The following TTC6 variants were observed in gnomAD, a reference collection of about 807,000 sequenced individuals.
The protein encoded by TTC6 is tetratricopeptide repeat domain 6.
TTC6 carries 172 observed loss-of-function variants against 210.4 expected under a neutral mutation model. The observed-to-expected ratio is 0.82, with a 90% CI of 0.72 to 0.93. TTC6 has a LOEUF of 0.93. Ranked by LOEUF, TTC6 falls within the 40% of genes least tolerant of loss-of-function variation. The pLI is 0.00. For missense variants in TTC6, 2,414 were observed against 2,318.1 expected, an observed-to-expected ratio of 1.04 and a Z score of -0.85; for synonymous variants, 804 against 819.6, an observed-to-expected ratio of 0.98 and a Z score of 0.32.
intron 29 of TTC6, among the ~76,000 whole-genome samples, chr14:37,832,334 T>C (rs1449493376): frequency 0.015 from 136 of 8,978 alleles, no homozygotes; most frequent in South Asian, 0.044. Context: ...TCTCTCTTTT[T>C]TTTTTTTTTT....
At chr14:37,774,233 C>T (rs765995351) in intron 14 of TTC6, among the ~76,000 whole-genome samples, 1 of 152,010 alleles carries the variant, frequency 6.6e-6, no homozygotes, top group African/African-American at 2.4e-5. Context: ...TTCTTCTCAT[C>T]CTATTTGGAT....
At position 37,598,565 on chromosome 14, in the gene TTC6, A is replaced by C. The variant is rs1350392647; in HGVS notation, c.-235+2557A>C. On this transcript the variant is annotated intron_variant, in intron 1 of 2. Transcript: ENST00000556845. The surrounding 1 kb of genome is among the most constrained non-coding windows in gnomAD (Gnocchi z 4.9). ...TTGGCTGCCTCAGCTTACACTTCCC[A>C]GCAGGATCTGGCTGGGAGCCCCTTC... 6.6e-6 allele frequency among the ~76,000 whole-genome samples: 1 copy of C among 152,180 alleles called. No individual in the cohort carries two copies. Among genetic ancestry groups the C allele is most frequent in the Non-Finnish European group, 1.5e-5 (1 of 68,024 alleles).
In TTC6 at chr14:37,781,657, T is replaced by C. The variant is rs557492788; in HGVS notation, c.3267-5811T>C. On this transcript the variant is annotated intron_variant, in intron 14 of 30. Transcript: ENST00000553443. ...CAGATCCCATTTGTCAATTTTGGCT[T>C]TTGTTGCCGTTACTTTTGGTGTTTT... Among the ~76,000 whole-genome samples, 3 of 152,308 alleles carry C rather than the reference T, an allele frequency of 2.0e-5. No homozygotes were observed. The South Asian group carries it at 6.2e-4, about 32-fold the overall frequency.
At chr14:37,687,234 C>A (rs1248649773) in intron 3 of TTC6, among the ~76,000 whole-genome samples, 1 of 152,034 alleles carries the variant, frequency 6.6e-6, no homozygotes, top group Non-Finnish European at 1.5e-5. Flanking sequence ...TAGCAGAAAC[C>A]AAAACTTAAC....
intron 1 of TTC6, among the ~76,000 whole-genome samples, chr14:37,660,182 T>G (rs1011584944): frequency 6.6e-6 from 1 of 152,122 alleles, no homozygotes; most frequent in African/African-American, 2.4e-5. Flanking sequence ...TGGCCGTTCC[T>G]ATGTCTAGGA....
intron 29 of TTC6, among the ~76,000 whole-genome samples, chr14:37,840,868 GAT>G (rs2096208406): frequency 2.4e-5 from 2 of 82,692 alleles, no homozygotes; most frequent in Non-Finnish European, 4.8e-5. Context: ...GCAGTGGGAG[GAT>G]TTTTTTTTTT....
At chr14:37,611,104 C>T (rs991204524) in intron 2 of TTC6, 2 of 152,402 alleles carry the variant, frequency 1.3e-5, no homozygotes, top group African/African-American at 4.8e-5. Context: ...GAGGCTGCCC[C>T]GGAGCGGGTC....
intron 29 of TTC6, 134 bp downstream of exon 31, chr14:37,827,500 T>C (rs2096174853): frequency 3.7e-6 from 3 of 810,694 alleles, no homozygotes; most frequent in Admixed American, 2.7e-5. Flanking sequence ...TAAAATGTTA[T>C]CTTTCATAAG....
At chr14:37,690,795 T>C (rs1473957284) in intron 3 of TTC6, among the ~76,000 whole-genome samples, 1 of 151,792 alleles carries the variant, frequency 6.6e-6, no homozygotes, top group Non-Finnish European at 1.5e-5. Context: ...ACATCCCACC[T>C]ACAGCATTGG....
chr14:37,707,152 A>AT (rs1376708618), intron 5 of TTC6, among the ~76,000 whole-genome samples: 2 of 151,930 alleles, frequency 1.3e-5, no homozygotes, highest in Non-Finnish European at 2.9e-5. Context: ...TGCATGTAAT[A>AT]TTTTTCTCCT....
intron 1 of TTC6, among the ~76,000 whole-genome samples, chr14:37,661,088 C>G (rs765079546): frequency 4.6e-5 from 7 of 151,598 alleles, no homozygotes; most frequent in Non-Finnish European, 1.0e-4. Context: ...GGATATTAAA[C>G]CTTTGTTGGA....
At chr14:37,715,269 A>C (rs527437565) in intron 6 of TTC6, among the ~76,000 whole-genome samples, 1 of 152,292 alleles carries the variant, frequency 6.6e-6, no homozygotes, top group African/African-American at 2.4e-5. Flanking sequence ...AGGGACTATA[A>C]CAAAAGATCT....
At chr14:37,815,344 G>C (rs79724614) in intron 25 of TTC6, among the ~76,000 whole-genome samples, 1 of 152,140 alleles carries the variant, frequency 6.6e-6, no homozygotes, top group Non-Finnish European at 1.5e-5. Flanking sequence ...GGATTCAGGC[G>C]TCAGGGTGGC....
At chr14:37,614,975 G>C (rs2095640380) in intron 2 of TTC6, among the ~76,000 whole-genome samples, 1 of 152,082 alleles carries the variant, frequency 6.6e-6, no homozygotes, top group Middle Eastern at 3.2e-3. Context: ...TCAAACTCCT[G>C]ACCTCAAGAT....
chr14:37,810,593 G>T (rs987031678), intron 24 of TTC6, among the ~76,000 whole-genome samples: 1 of 152,108 alleles, frequency 6.6e-6, no homozygotes, highest in Non-Finnish European at 1.5e-5. Flanking sequence ...TTGCTTCTGG[G>T]TTAACAGTGT....
chr14:37,608,144 C>G (rs1566835888), intron 2 of TTC6, among the ~76,000 whole-genome samples: 1 of 152,224 alleles, frequency 6.6e-6, no homozygotes, highest in East Asian at 1.9e-4. Flanking sequence ...GATCCCATGT[C>G]TGCTATAAAT....
chr14:37,821,063 CT>C (rs1289077869), intron 26 of TTC6, among the ~76,000 whole-genome samples: 1 of 145,564 alleles, frequency 6.9e-6, no homozygotes, highest in Non-Finnish European at 1.5e-5. Context: ...CTTCTTCTTT[CT>C]TTTTTCCTTT....
chr14:37,723,429 G>A (rs1442721644), intron 6 of TTC6, among the ~76,000 whole-genome samples: 1 of 152,140 alleles, frequency 6.6e-6, no homozygotes, highest in Non-Finnish European at 1.5e-5. Flanking sequence ...ATTTCTATAT[G>A]TAAACATCTG....
At position 37,655,300 on chromosome 14, in the gene TTC6, C is replaced by T. The variant is rs536034373; in HGVS notation, c.940-24851C>T. ...ATCTAGAAGAGCAAAAACAAAAAAC[C>T]ATAAAATTCTAGGAAAAAAATGGAT... On this transcript the variant is annotated intron_variant, in intron 1 of 30. Transcript: ENST00000553443. 1.4e-4 allele frequency among the ~76,000 whole-genome samples: 22 copies of T among 152,090 alleles called. No individual in the cohort carries two copies. In the East Asian group the frequency reaches 3.7e-3, roughly 25 times the overall value.
Sources: allele counts gnomAD v4.1 joint callset (sites outside exome capture counted in the v4.1 genomes callset), GRCh38; gene constraint gnomAD v4.1.1; non-coding constraint Gnocchi (gnomAD v3.1); transcripts MANE v1.5; gene names NCBI Gene and HGNC (gene_info 2026-07-23, HGNC 2026-07-21).